The following ALDH3A2 variants were observed in gnomAD, a reference collection of about 807,000 sequenced individuals.
ALDH3A2 encodes the protein aldehyde dehydrogenase 3 family member A2.
ALDH3A2 carries 36 observed loss-of-function variants against 51.3 expected under a neutral mutation model. The ratio of observed to expected loss-of-function variants is 0.70; its 90% confidence interval spans 0.54 to 0.93. The LOEUF is 0.93. Ranked by LOEUF, ALDH3A2 falls within the 40% of genes least tolerant of loss-of-function variation. The probability of loss-of-function intolerance (pLI) is 0.00; values close to 1 mark genes in which losing one functional copy is unlikely to be tolerated. For synonymous variants in ALDH3A2, 199 were observed against 219.8 expected, an observed-to-expected ratio of 0.91 and a Z score of 0.84; for missense variants, 552 against 603.1, an observed-to-expected ratio of 0.92 and a Z score of 0.89.
At position 19,677,579 on chromosome 17, in the gene ALDH3A2, T is replaced by G. The variant is rs2085210987; in HGVS notation, c.*2007T>G. ...ATAAATTCTCCCCAACTATAAATCATTTTATGTCTTTATCATAGATGGTAT... is the reference window on the plus strand; with the variant it reads ...ATAAATTCTCCCCAACTATAAATCAGTTTATGTCTTTATCATAGATGGTAT... On this transcript the variant is annotated 3_prime_UTR_variant, in exon 10 of 10. Coordinates refer to ENST00000176643, the MANE Select transcript of ALDH3A2 (RefSeq NM_000382.3). 6.6e-6 allele frequency: 1 copy of G among 152,198 alleles called. No homozygotes were observed. The highest frequency in any genetic ancestry group is 1.5e-5 in the Non-Finnish European group (1 of 68,048). 9.4% of individuals were successfully genotyped at this position (152,198 alleles called of 1,614,324 possible).
chr17:19,649,169 C>T (rs766607194), intron 1 of ALDH3A2, 45 bp downstream of exon 1: 1 of 1,537,198 alleles, frequency 6.5e-7, no homozygotes, highest in Non-Finnish European at 8.8e-7. Flanking sequence ...GCCCCCGCCG[C>T]GCACTTGTGG....
chr17:19,654,485 G>A lies in ALDH3A2; in HGVS notation c.471+1853G>A, dbSNP rs1056334313. Among the ~76,000 whole-genome samples, 4 of 152,190 alleles carry A rather than the reference G, an allele frequency of 2.6e-5. No homozygotes were observed. Among genetic ancestry groups the A allele is most frequent in the Non-Finnish European group, 4.4e-5 (3 of 68,018 alleles). ...TGCGGGGAGGTGGCTGAGGCCCGGC[G>A]AGAATTCGAGTGTGGCGCTGGTGGG... On this transcript the variant is annotated intron_variant, in intron 3 of 9. Transcript: ENST00000176643. The surrounding 1 kb of genome is among the most constrained non-coding windows in gnomAD (Gnocchi z 4.5).
chr17:19,661,195 G>A lies in ALDH3A2; in HGVS notation c.867G>A (p.Lys289=), dbSNP rs1355069056. 6.2e-7 allele frequency: 1 copy of A among 1,613,874 alleles called. No individual in the cohort carries two copies. The highest frequency in any genetic ancestry group is 8.5e-7 in the Non-Finnish European group (1 of 1,179,902). ...GGATCATCAATCTTCGTCATTTTAAGAGGATACTAAGTTTGCTTGAAGGAC... is the reference window on the plus strand; with the variant it reads ...GGATCATCAATCTTCGTCATTTTAAAAGGATACTAAGTTTGCTTGAAGGAC... ...YERIINLRHF[K]RILSLLEGQK... is the part of the protein sequence containing the mutation. Residue 289 remains lysine (K), a synonymous_variant, in exon 6 of 10, where the codon AAG becomes AAA. Coordinates refer to ENST00000176643, the MANE Select transcript of ALDH3A2 (RefSeq NM_000382.3).
At chr17:19,651,264 C>T (rs1005584682) in intron 1 of ALDH3A2, among the ~76,000 whole-genome samples, 4 of 152,174 alleles carry the variant, frequency 2.6e-5, no homozygotes, top group Non-Finnish European at 5.9e-5. Flanking sequence ...TTAAGCCTGG[C>T]TTTTAAAGGG....
chr17:19,675,449 T>C (rs2085175236), intron 9 of ALDH3A2, 109 bp from the exon 10 acceptor site: 1 of 1,119,822 alleles, frequency 8.9e-7, no homozygotes. Context: ...GTAGAGTCTC[T>C]TCAGACAGGA....
intron 7 of ALDH3A2, among the ~76,000 whole-genome samples, chr17:19,664,112 C>T (rs1453012715): frequency 6.6e-6 from 1 of 152,180 alleles, no homozygotes; most frequent in Non-Finnish European, 1.5e-5. Context: ...TATAGATAGT[C>T]ATGTGACAGC....
At chr17:19,660,631 C>T (rs2084954002) in intron 5 of ALDH3A2, among the ~76,000 whole-genome samples, 1 of 152,038 alleles carries the variant, frequency 6.6e-6, no homozygotes, top group Non-Finnish European at 1.5e-5. Flanking sequence ...CAAAGAAGAC[C>T]AAAACAACAA....
upstream of ALDH3A2, chr17:19,648,155 A>G (rs2084759968): frequency 6.6e-6 from 1 of 152,348 alleles, no homozygotes; most frequent in Non-Finnish European, 1.5e-5. Flanking sequence ...TGAGTAACGG[A>G]CGTGCGAGGA....
chr17:19,663,598 A>T, intron 7 of ALDH3A2, 99 bp downstream of exon 7: 1 of 1,409,804 alleles, frequency 7.1e-7, no homozygotes, highest in Non-Finnish European at 9.8e-7. Flanking sequence ...TGAAACAATG[A>T]TGGTTTCTTT....
intron 3 of ALDH3A2, among the ~76,000 whole-genome samples, chr17:19,653,966 A>G (rs906678152): frequency 6.6e-6 from 1 of 152,102 alleles, no homozygotes; most frequent in African/African-American, 2.4e-5. Flanking sequence ...GCTAGACATA[A>G]AAGTTCTCCA....
chr17:19,665,376 C>CGTGTGTGTGTGTGT (rs34642385), intron 8 of ALDH3A2, among the ~76,000 whole-genome samples: 1,694 of 145,004 alleles, frequency 0.012, 16 homozygotes, highest in African/African-American at 0.022. Flanking sequence ...GATCTCTCTT[C>CGTGTGTGTGTGTGT]GTGTGTGTGT....
At chr17:19,657,706 TACTGA>T in intron 4 of ALDH3A2, 34 bp from the exon 5 acceptor site, 1 of 284,666 alleles carries the variant, frequency 3.5e-6, no homozygotes, top group Non-Finnish European at 4.9e-6. Flanking sequence ...TTGACTGAAT[TACTGA>T]ATTATATAGC....
intron 8 of ALDH3A2, among the ~76,000 whole-genome samples, chr17:19,669,357 G>A (rs190321562): frequency 4.8e-4 from 73 of 152,144 alleles, no homozygotes; most frequent in African/African-American, 1.6e-3. Context: ...AATGCCATAC[G>A]CTGCATGATG....
chr17:19,659,673 G>A (rs2084941857), intron 5 of ALDH3A2: 1 of 152,140 alleles, frequency 6.6e-6, no homozygotes, highest in Non-Finnish European at 1.5e-5. Context: ...GCAAAATCTT[G>A]TCGCTACAAG....
At chr17:19,648,144 C>A (rs1365319770), upstream of ALDH3A2, 2 of 152,346 alleles carry the variant, frequency 1.3e-5, no homozygotes, top group Non-Finnish European at 2.9e-5. Context: ...GGGAGAAGCT[C>A]TGAGTAACGG....
At position 19,654,714 on chromosome 17, in the gene ALDH3A2, C is replaced by T. The variant is rs1022000114; in HGVS notation, c.472-1652C>T. On this transcript the variant is annotated intron_variant, in intron 3 of 9. Coordinates refer to ENST00000176643, the MANE Select transcript of ALDH3A2 (RefSeq NM_000382.3). This position sits in a 1 kb window ranked among gnomAD's most constrained non-coding sequence, Gnocchi z 4.5. ...GCGCCTCTCCCTCCACACCTTCCCA[C>T]AAGCAGAAGGAGCCGGCTCCAGCCT... Among the ~76,000 whole-genome samples the T allele has an allele frequency of 2.0e-5, 3 of 152,016 alleles. No individual in the cohort carries two copies. The highest frequency in any genetic ancestry group is 4.4e-5 in the Non-Finnish European group (3 of 68,008).
chr17:19,657,887 C>T, intron 5 of ALDH3A2, 25 bp downstream of exon 5: 7 of 1,517,894 alleles, frequency 4.6e-6, no homozygotes, highest in Non-Finnish European at 6.4e-6. Flanking sequence ...CATCTGATTC[C>T]ACTGATTTTA....
At position 19,675,305 on chromosome 17, in the gene ALDH3A2, G is replaced by GTGGAT. The variant is rs1192846399; in HGVS notation, c.1444-253_1444-252insTGGAT. 1.5e-5 allele frequency: 8 copies of GTGGAT among 534,470 alleles called. No individual in the cohort carries two copies. The African/African-American group carries it at 1.5e-4, about 10-fold the overall frequency. The allele number at this position is 534,470 out of a possible 1,614,324, so 33.1% of individuals were successfully genotyped here. On this transcript the variant is annotated intron_variant, in intron 9 of 9. Transcript: ENST00000176643. Reference sequence around the variant, plus strand: ...GACATTAGCTAGTTGACAGTGGACAGAATATAGCCTTCATTATCACGTTGT... The same window carrying GTGGAT: ...GACATTAGCTAGTTGACAGTGGACAGTGGATAATATAGCCTTCATTATCACGTTGT...
At chr17:19,651,806 CT>C in intron 2 of ALDH3A2, 28 bp downstream of exon 2, 1 of 1,576,968 alleles carries the variant, frequency 6.3e-7, no homozygotes, top group Non-Finnish European at 8.7e-7. Flanking sequence ...GTCTATATAC[CT>C]TTTTAGGGAG....
Sources: gnomAD v4.1 joint callset for allele counts (sites outside exome capture counted in the v4.1 genomes callset) on GRCh38, gnomAD v4.1.1 for gene constraint, Gnocchi (gnomAD v3.1) non-coding constraint, MANE v1.5 for transcripts, NCBI Gene and HGNC (gene_info 2026-07-23, HGNC 2026-07-21) for gene names.